The following THSD4 variants were observed in gnomAD, a reference collection of about 807,000 sequenced individuals.
The protein encoded by THSD4 is thrombospondin type-1 domain-containing protein 4.
A neutral mutation model predicts 119.0 loss-of-function variants in THSD4; 69 were observed. That is an observed-to-expected ratio of 0.58 (90% CI 0.48 to 0.71). The LOEUF is 0.71. Ranked by LOEUF, THSD4 falls within the 30% of genes least tolerant of loss-of-function variation. THSD4 has a pLI of 0.00. For missense variants in THSD4, 1,393 were observed against 1,391.1 expected (o/e 1.00, Z -0.02); for synonymous variants, 524 against 540.4 (o/e 0.97, Z 0.42).
intron 8 of THSD4, among the ~76,000 whole-genome samples, chr15:71,686,521 A>C (rs1464021462): frequency 6.6e-6 from 1 of 152,218 alleles, no homozygotes; most frequent in Non-Finnish European, 1.5e-5. Context: ...AGTCTCTGTC[A>C]GTTGATATAA....
intron 8 of THSD4, among the ~76,000 whole-genome samples, chr15:71,701,034 A>T (rs1022845084): frequency 3.3e-5 from 5 of 152,170 alleles, no homozygotes; most frequent in African/African-American, 1.2e-4. Flanking sequence ...TACAAATCTG[A>T]TTTAATAAGA....
rs768324873 is a variant in THSD4 at position 71,779,165 on chromosome 15, CA to C, written c.*1792del. Reference sequence around the variant, plus strand: ...TTTGGCCTTTCTGTGGGTAGCTTTCCAGCTTCTCTTCTAGGGAGCCCCAGGC... The same window carrying C: ...TTTGGCCTTTCTGTGGGTAGCTTTCCGCTTCTCTTCTAGGGAGCCCCAGGC... On this transcript the variant is annotated 3_prime_UTR_variant, in exon 18 of 18. Coordinates refer to ENST00000261862, the MANE Select transcript of THSD4 (RefSeq NM_024817.3). 3 of 152,164 alleles carry C rather than the reference CA, an allele frequency of 2.0e-5. No homozygotes were observed. Among genetic ancestry groups the C allele is most frequent in the Non-Finnish European group, 4.4e-5 (3 of 68,034 alleles). 9.4% of individuals were successfully genotyped at this position (152,164 alleles called of 1,614,324 possible).
chr15:71,580,909 G>T (rs554303464), intron 7 of THSD4, among the ~76,000 whole-genome samples: 19 of 151,802 alleles, frequency 1.3e-4, no homozygotes, highest in Admixed American at 6.6e-4. Context: ...ATATGTGTGT[G>T]TTATATATAT....
intron 14 of THSD4, among the ~76,000 whole-genome samples, chr15:71,750,291 C>T (rs554064086): frequency 6.6e-6 from 1 of 152,308 alleles, no homozygotes; most frequent in South Asian, 2.1e-4. Flanking sequence ...GCCACATTGG[C>T]TGACTCCAAC....
At chr15:71,352,769 A>G (rs1215177601) in intron 6 of THSD4, among the ~76,000 whole-genome samples, 1 of 152,224 alleles carries the variant, frequency 6.6e-6, no homozygotes, top group Non-Finnish European at 1.5e-5. Flanking sequence ...TATTGCTTTT[A>G]TGAGCCCTGA....
intron 8 of THSD4, among the ~76,000 whole-genome samples, chr15:71,673,885 T>G (rs2051584612): frequency 6.6e-6 from 1 of 152,002 alleles, no homozygotes; most frequent in African/African-American, 2.4e-5. Flanking sequence ...GCCTCCCGAG[T>G]AGCTGGGACT....
intron 9 of THSD4, chr15:71,730,345 C>G (rs949860964): frequency 2.6e-5 from 4 of 152,174 alleles, no homozygotes; most frequent in African/African-American, 9.7e-5. Flanking sequence ...GGGTTTAGCC[C>G]ACCACCCTGC....
intron 3 of THSD4, among the ~76,000 whole-genome samples, chr15:71,174,268 T>C (rs1160407942): frequency 6.6e-6 from 1 of 152,110 alleles, no homozygotes; most frequent in African/African-American, 2.4e-5. Flanking sequence ...TGCCAGACAG[T>C]GGGCGCAGGC....
upstream of THSD4, chr15:71,111,027 G>C (rs576317823): frequency 1.6e-5 from 18 of 1,119,244 alleles, no homozygotes; most frequent in East Asian, 4.7e-4. Flanking sequence ...CTAAGGAGAA[G>C]CAGCCTCGGA....
At chr15:71,157,728 TG>T (rs1258639344) in intron 3 of THSD4, among the ~76,000 whole-genome samples, 1 of 141,120 alleles carries the variant, frequency 7.1e-6, no homozygotes, top group Non-Finnish European at 1.5e-5. Flanking sequence ...GTGAGATCTG[TG>T]GTATTTGTCT....
At chr15:71,468,665 C>T (rs971792431) in intron 7 of THSD4, among the ~76,000 whole-genome samples, 9 of 152,132 alleles carry the variant, frequency 5.9e-5, no homozygotes, top group Admixed American at 5.2e-4. Flanking sequence ...TTATTTCTGC[C>T]TCACGTTAGG....
chr15:71,448,487 G>A (rs936207111), intron 7 of THSD4, among the ~76,000 whole-genome samples: 2 of 152,142 alleles, frequency 1.3e-5, no homozygotes, highest in African/African-American at 4.8e-5. Context: ...AACAGAAACC[G>A]TATTTGCGTG....
intron 8 of THSD4, among the ~76,000 whole-genome samples, chr15:71,716,590 G>T (rs202006972): frequency 3.2e-4 from 46 of 143,852 alleles, no homozygotes; most frequent in Non-Finnish European, 4.4e-4. Context: ...GTTGGTTTTT[G>T]TTTTTTTTTT....
chr15:71,099,045 A>G (rs2141337955), intron 1 of THSD4, among the ~76,000 whole-genome samples: 1 of 152,280 alleles, frequency 6.6e-6, no homozygotes, highest in South Asian at 2.1e-4. Context: ...TTCAGTTTGC[A>G]CTCACCAAGG....
chr15:71,390,849 CTTTTTTTTT>C (rs1010882999), intron 6 of THSD4, among the ~76,000 whole-genome samples: 1 of 90,878 alleles, frequency 1.1e-5, no homozygotes, highest in African/African-American at 4.4e-5. Context: ...TTGGCTAAAT[CTTTTTTTTT>C]TTTTTTTTTT....
intron 7 of THSD4, among the ~76,000 whole-genome samples, chr15:71,615,754 C>A (rs938199163): frequency 2.0e-5 from 3 of 152,168 alleles, no homozygotes; most frequent in African/African-American, 7.2e-5. Flanking sequence ...CGAAAAGAGG[C>A]CTCTGCAGCC....
chr15:71,655,702 C>G (rs1022784846), intron 7 of THSD4, among the ~76,000 whole-genome samples: 1 of 152,160 alleles, frequency 6.6e-6, no homozygotes, highest in Non-Finnish European at 1.5e-5. Context: ...AGATACAGCA[C>G]TCGTCAGCAG....
chr15:71,180,167 AAAAT>A (rs1169897904), intron 3 of THSD4, among the ~76,000 whole-genome samples: 17 of 26,764 alleles, frequency 6.4e-4, no homozygotes, highest in Admixed American at 1.6e-3. Flanking sequence ...AAAAAAAAAA[AAAAT>A]AAAAAAAAAA....
chr15:71,680,601 G>A (rs935863508), intron 8 of THSD4, among the ~76,000 whole-genome samples: 60 of 152,302 alleles, frequency 3.9e-4, no homozygotes, highest in African/African-American at 1.3e-3. Flanking sequence ...GACTCACTTG[G>A]AATTTTAAGA....
Sources: allele counts gnomAD v4.1 joint callset (sites outside exome capture counted in the v4.1 genomes callset), GRCh38; gene constraint gnomAD v4.1.1; transcripts MANE v1.5; gene names NCBI Gene and HGNC (gene_info 2026-07-23, HGNC 2026-07-21).